SLC24A2: variants seen among roughly 807,000 people sequenced by gnomAD.
SLC24A2 encodes sodium/potassium/calcium exchanger 2.
In SLC24A2, 36 loss-of-function variants were observed where a neutral mutation model predicts 62.0. That is an observed-to-expected ratio of 0.58 (90% CI 0.44 to 0.77). The LOEUF (loss-of-function observed/expected upper bound fraction) is 0.77. Among genes scored for constraint, SLC24A2 ranks in the 30% least tolerant of loss-of-function variants. The pLI, the probability that SLC24A2 is intolerant of heterozygous loss-of-function variation, is 0.00. For missense variants in SLC24A2, 846 were observed against 817.9 expected, an observed-to-expected ratio of 1.03 and a Z score of -0.42; for synonymous variants, 358 against 294.0, an observed-to-expected ratio of 1.22 and a Z score of -2.23.
chr9:20,042,886 C>T, the SLC24A2 span, among the ~76,000 whole-genome samples: 1 of 152,150 alleles, frequency 6.6e-6, no homozygotes, highest in East Asian at 1.9e-4. Flanking sequence ...CTTTGAGGCA[C>T]CACAAGCCAT....
At chr9:20,274,122 T>C in the SLC24A2 span, among the ~76,000 whole-genome samples, 4 of 152,288 alleles carry the variant, frequency 2.6e-5, no homozygotes, top group East Asian at 1.9e-4. Flanking sequence ...TAAGCCAAAG[T>C]TCCTTCTCTC....
At chr9:19,858,446 A>G in the SLC24A2 span, among the ~76,000 whole-genome samples, 2 of 152,238 alleles carry the variant, frequency 1.3e-5, no homozygotes, top group Admixed American at 6.5e-5. Context: ...AGGAATGGGC[A>G]AGATTTCATG....
At chr9:20,305,740 T>C in the SLC24A2 span, among the ~76,000 whole-genome samples, 1 of 152,184 alleles carries the variant, frequency 6.6e-6, no homozygotes, top group Non-Finnish European at 1.5e-5. Flanking sequence ...TGTCAAGCAA[T>C]TAACCAAGAC....
chr9:19,859,371 A>G, the SLC24A2 span, among the ~76,000 whole-genome samples: 2 of 152,088 alleles, frequency 1.3e-5, no homozygotes, highest in South Asian at 2.1e-4. Context: ...AAAAGGGAGA[A>G]GATTAAAAAA....
intron 9 of SLC24A2, among the ~76,000 whole-genome samples, chr9:19,527,698 G>C (rs1251413425): frequency 6.6e-6 from 1 of 152,210 alleles, no homozygotes; most frequent in Non-Finnish European, 1.5e-5. Context: ...GTGAGAACGT[G>C]AGGTGAGTGG....
chr9:19,753,373 G>T (rs2118820583), intron 2 of SLC24A2, among the ~76,000 whole-genome samples: 1 of 152,350 alleles, frequency 6.6e-6, no homozygotes, highest in East Asian at 1.9e-4. Context: ...CTCTTGTTCT[G>T]GAGAGTTCTA....
chr9:19,936,957 ATTC>A, the SLC24A2 span, among the ~76,000 whole-genome samples: 1 of 152,182 alleles, frequency 6.6e-6, no homozygotes, highest in African/African-American at 2.4e-5. Flanking sequence ...CAGACCTTAA[ATTC>A]TTCTGTCCTC....
chr9:19,705,407 G>C (rs562013845), intron 2 of SLC24A2: 1 of 164,564 alleles, frequency 6.1e-6, no homozygotes, highest in Non-Finnish European at 1.3e-5. Flanking sequence ...GTACTGGGTG[G>C]TTGGGGCTGT....
At chr9:19,646,944 T>C (rs1314232108) in intron 2 of SLC24A2, among the ~76,000 whole-genome samples, 3 of 152,082 alleles carry the variant, frequency 2.0e-5, no homozygotes, top group Admixed American at 2.0e-4. Flanking sequence ...CCCATTCCCC[T>C]GTAGAAGTCT....
At chr9:20,192,168 G>A in the SLC24A2 span, among the ~76,000 whole-genome samples, 3 of 152,106 alleles carry the variant, frequency 2.0e-5, no homozygotes, top group Admixed American at 6.6e-5. Flanking sequence ...GGTCTATGAA[G>A]TCAGAGGTAA....
At chr9:19,747,961 A>G (rs1459998924) in intron 2 of SLC24A2, among the ~76,000 whole-genome samples, 1 of 152,198 alleles carries the variant, frequency 6.6e-6, no homozygotes, top group African/African-American at 2.4e-5. Flanking sequence ...AAATACTATC[A>G]TGGCAAGATG....
the SLC24A2 span, among the ~76,000 whole-genome samples, chr9:20,025,510 C>T: frequency 6.6e-6 from 1 of 152,120 alleles, no homozygotes; most frequent in African/African-American, 2.4e-5. Flanking sequence ...AACATTATTA[C>T]CTGCTCCCTG....
At chr9:19,897,262 C>A in the SLC24A2 span, among the ~76,000 whole-genome samples, 55 of 152,120 alleles carry the variant, frequency 3.6e-4, no homozygotes, top group African/African-American at 1.3e-3. Flanking sequence ...AAACAGTGAC[C>A]CCATATTGTT....
At chr9:19,885,189 T>C in the SLC24A2 span, among the ~76,000 whole-genome samples, 3 of 152,222 alleles carry the variant, frequency 2.0e-5, no homozygotes, top group Non-Finnish European at 4.4e-5. Context: ...GAACTCTCAC[T>C]GGACCCGTTT....
the SLC24A2 span, among the ~76,000 whole-genome samples, chr9:19,888,681 A>G: frequency 6.6e-6 from 1 of 152,124 alleles, no homozygotes; most frequent in South Asian, 2.1e-4. Context: ...CTAATGTATG[A>G]TCCTAGGGGT....
chr9:19,636,314 C>CTTTTCTTTTCTTTTCT (rs1818325613), intron 2 of SLC24A2, among the ~76,000 whole-genome samples: 1 of 21,244 alleles, frequency 4.7e-5, no homozygotes, highest in Non-Finnish European at 9.4e-5. Flanking sequence ...CTTTTCTTTT[C>CTTTTCTTTTCTTTTCT]TTTTCTTTCT....
chr9:19,627,739 G>A (rs988043359), intron 2 of SLC24A2, among the ~76,000 whole-genome samples: 1 of 151,964 alleles, frequency 6.6e-6, no homozygotes, highest in Non-Finnish European at 1.5e-5. Context: ...TTGCTATATT[G>A]CCCAGACTGG....
At chr9:20,242,585 A>G in the SLC24A2 span, among the ~76,000 whole-genome samples, 5 of 152,188 alleles carry the variant, frequency 3.3e-5, no homozygotes, top group African/African-American at 1.2e-4. Context: ...GGGAGCCATG[A>G]GGACACTCCT....
chr9:20,189,971 G>A, the SLC24A2 span, among the ~76,000 whole-genome samples: 2 of 152,170 alleles, frequency 1.3e-5, no homozygotes, highest in Admixed American at 6.5e-5. Flanking sequence ...CTCGAAGACA[G>A]CCAGAGTGGG....
Sources: gnomAD v4.1 joint callset for allele counts (sites outside exome capture counted in the v4.1 genomes callset) on GRCh38, gnomAD v4.1.1 for gene constraint, MANE v1.5 for transcripts, NCBI Gene and HGNC (gene_info 2026-07-23, HGNC 2026-07-21) for gene names.